HTR1D: variants seen among roughly 807,000 people sequenced by gnomAD.
HTR1D encodes 5-hydroxytryptamine receptor 1D, also known as 5-HT-1D.
A neutral mutation model predicts 21.1 loss-of-function variants in HTR1D; 18 were observed. The ratio of observed to expected loss-of-function variants is 0.85; its 90% CI spans 0.59 to 1.27. HTR1D has a LOEUF of 1.27. Ranked by LOEUF, HTR1D falls within the 50% of genes most tolerant of loss-of-function variation. The pLI, the probability that HTR1D is intolerant of heterozygous loss-of-function variation, is 0.00. For missense variants in HTR1D, 456 were observed against 481.4 expected (o/e 0.95, Z 0.49); for synonymous variants, 196 against 204.4 (o/e 0.96, Z 0.35).
In HTR1D at chr1:23,193,684, G is replaced by T; in HGVS notation, c.536C>A (p.Ala179Asp). The T allele has an allele frequency of 6.2e-7, 1 of 1,613,648 alleles. No homozygotes were observed. Among genetic ancestry groups the T allele is most frequent in the Non-Finnish European group, 8.5e-7 (1 of 1,179,754 alleles). Reference protein sequence around the residue: ...ISIPPLFWRQAKAQEEMSDCL... With the variant: ...ISIPPLFWRQDKAQEEMSDCL... ...GTCCGACATCTCCTCCTGGGCCTTG[G>T]CCTGCCGCCAGAAGAGCGGGGGGAT... Residue 179 changes from alanine (A) to aspartate (D), a missense_variant, in exon 2 of 2, where the codon GCC becomes GAC. Coordinates refer to ENST00000374619, the MANE Select transcript of HTR1D (RefSeq NM_000864.5).
intron 1 of HTR1D, among the ~76,000 whole-genome samples, chr1:23,210,888 G>A (rs752322097): frequency 2.6e-5 from 4 of 152,038 alleles, no homozygotes; most frequent in Non-Finnish European, 5.9e-5. Context: ...ACCTGGGTCC[G>A]CAGAGAACAC....
intron 1 of HTR1D, among the ~76,000 whole-genome samples, chr1:23,204,494 G>A (rs1644722260): frequency 6.6e-6 from 1 of 152,198 alleles, no homozygotes; most frequent in South Asian, 2.1e-4. Flanking sequence ...TCACATGAGT[G>A]ACAGGTAGGT....
intron 1 of HTR1D, among the ~76,000 whole-genome samples, 37 bp from the exon 2 acceptor site, chr1:23,195,038 C>A (rs1036266647): frequency 6.6e-6 from 1 of 152,128 alleles, no homozygotes; most frequent in Non-Finnish European, 1.5e-5. Context: ...GAGTTAGGTT[C>A]TAGAAGGACA....
chr1:23,216,639 T>C (rs1445841650), intron 1 of HTR1D, among the ~76,000 whole-genome samples: 3 of 152,240 alleles, frequency 2.0e-5, no homozygotes, highest in Non-Finnish European at 2.9e-5. Flanking sequence ...TCCGGCATTA[T>C]GTGATTAGCT....
chr1:23,212,550 G>A (rs1644757618), intron 1 of HTR1D, among the ~76,000 whole-genome samples: 1 of 152,184 alleles, frequency 6.6e-6, no homozygotes, highest in Non-Finnish European at 1.5e-5. Flanking sequence ...TCATTATCCT[G>A]CAGTCCAATG....
chr1:23,198,222 C>T (rs1404423197), intron 1 of HTR1D, among the ~76,000 whole-genome samples: 19 of 146,296 alleles, frequency 1.3e-4, no homozygotes, highest in African/African-American at 4.6e-4. Context: ...AAAAATTAGC[C>T]GGGCACAGTG....
chr1:23,194,567 A>T lies in HTR1D; in HGVS notation c.-348T>A, dbSNP rs1644677850. The stretch of plus-strand genomic sequence containing the variant: ...GCAGATGGTCATGCCCAGGGGACAC[A>T]TGCTGAATTTGTTAGACAATTATCA... On this transcript the variant is annotated 5_prime_UTR_variant, in exon 2 of 2. The change abolishes an upstream ATG in the 5' untranslated region. Transcript: ENST00000374619. 1 of 176,788 alleles carries T rather than the reference A, an allele frequency of 5.7e-6. No individual in the cohort carries two copies. The highest frequency in any genetic ancestry group is 1.8e-4 in the South Asian group (1 of 5,440). The allele number at this position is 176,788 out of a possible 1,614,324, so 11.0% of individuals were successfully genotyped here. A position where few individuals can be genotyped will look rare whatever the true frequency, so the allele number is the denominator to read the frequency against.
intron 1 of HTR1D, among the ~76,000 whole-genome samples, chr1:23,204,346 C>A (rs1441791213): frequency 6.6e-6 from 1 of 152,144 alleles, no homozygotes; most frequent in African/African-American, 2.4e-5. Context: ...AGGATGGTCT[C>A]GATCTCCTGA....
chr1:23,215,402 G>C (rs1427461534), intron 1 of HTR1D, among the ~76,000 whole-genome samples: 2 of 152,154 alleles, frequency 1.3e-5, no homozygotes, highest in African/African-American at 4.8e-5. Context: ...GGGTGACAGA[G>C]CACCACCCTG....
chr1:23,194,326 C>A lies in HTR1D; in HGVS notation c.-107G>T. 2.0e-6 allele frequency: 2 copies of A among 987,536 alleles called. No homozygotes were observed. The highest frequency in any genetic ancestry group is 3.1e-6 in the Non-Finnish European group (2 of 650,564). The allele number at this position is 987,536 out of a possible 1,614,324, so 61.2% of individuals were successfully genotyped here. ...TCCTTCTGCTTCACACTGGTGGGAG[C>A]CGTACACCAGAACAGACCACAGTGA... is the stretch of plus-strand genomic sequence containing the variant. On this transcript the variant is annotated 5_prime_UTR_variant, in exon 2 of 2. Transcript: ENST00000374619.
chr1:23,204,221 G>A (rs983505043), intron 1 of HTR1D, among the ~76,000 whole-genome samples: 3 of 152,044 alleles, frequency 2.0e-5, no homozygotes, highest in Non-Finnish European at 4.4e-5. Context: ...CGCCTCCCAG[G>A]TTCACGCCAT....
At chr1:23,196,636 T>A (rs1372219612) in intron 1 of HTR1D, among the ~76,000 whole-genome samples, 1 of 152,146 alleles carries the variant, frequency 6.6e-6, no homozygotes, top group Non-Finnish European at 1.5e-5. Context: ...TATAACAATA[T>A]CTTTTGAAGA....
chr1:23,213,130 C>T (rs1644760519), intron 1 of HTR1D, among the ~76,000 whole-genome samples: 1 of 152,094 alleles, frequency 6.6e-6, no homozygotes. Context: ...CTGGCCAGCG[C>T]CTCCTTTGTA....
At chr1:23,208,085 A>C (rs1283867249) in intron 1 of HTR1D, among the ~76,000 whole-genome samples, 5 of 152,092 alleles carry the variant, frequency 3.3e-5, no homozygotes, top group Non-Finnish European at 4.4e-5. Context: ...TGAAGTTAAC[A>C]ACTCACTATA....
chr1:23,203,395 C>T (rs772775820), intron 1 of HTR1D, among the ~76,000 whole-genome samples: 4 of 152,144 alleles, frequency 2.6e-5, no homozygotes, highest in African/African-American at 7.2e-5. Context: ...CATGGTGGCT[C>T]ACGCCTGTAA....
chr1:23,203,132 T>G (rs922961963), intron 1 of HTR1D, among the ~76,000 whole-genome samples: 16 of 151,968 alleles, frequency 1.1e-4, no homozygotes, highest in Admixed American at 8.5e-4. Context: ...ACTACTGACC[T>G]CAGGTGATCC....
intron 1 of HTR1D, among the ~76,000 whole-genome samples, chr1:23,196,004 A>ATTTG (rs956757887): frequency 6.6e-6 from 1 of 151,264 alleles, no homozygotes; most frequent in Non-Finnish European, 1.5e-5. Context: ...ATTGTTTTTT[A>ATTTG]TTTGTTTGTT....
chr1:23,195,883 C>A (rs1216111235), intron 1 of HTR1D, among the ~76,000 whole-genome samples: 1 of 152,148 alleles, frequency 6.6e-6, no homozygotes, highest in African/African-American at 2.4e-5. Context: ...GGCTAGAGTG[C>A]GGTGGCATGA....
intron 1 of HTR1D, among the ~76,000 whole-genome samples, chr1:23,210,292 G>T (rs1644748877): frequency 1.3e-5 from 2 of 152,184 alleles, no homozygotes; most frequent in South Asian, 4.1e-4. Flanking sequence ...TGGCCAGGCT[G>T]GTCTCGAACT....
Sources: gnomAD v4.1 joint callset for allele counts (sites outside exome capture counted in the v4.1 genomes callset) on GRCh38, gnomAD v4.1.1 for gene constraint, MANE v1.5 for transcripts, NCBI Gene and HGNC (gene_info 2026-07-23, HGNC 2026-07-21) for gene names.